Variants in IMMP2L observed in about 807,000 individuals in gnomAD.
IMMP2L encodes the protein inner mitochondrial membrane peptidase subunit 2.
Under a neutral mutation model 19.3 loss-of-function variants are expected in IMMP2L, and 18 were observed. That is an observed-to-expected ratio of 0.93 (90% CI 0.64 to 1.38). The LOEUF is 1.38. Among genes scored for constraint, IMMP2L ranks in the 40% most tolerant of loss-of-function variants. IMMP2L has a pLI of 0.00. For missense variants in IMMP2L, 233 were observed against 218.2 expected (o/e 1.07, Z -0.43); for synonymous variants, 76 against 73.0 (o/e 1.04, Z -0.21).
Position 110,803,982 on chromosome 7 carries a change from T to C in IMMP2L, c.408+82611A>G, listed in dbSNP as rs533064185. ...TGAAGTTTAAGAACAACTGGTAAAA[T>C]GGGTACTTGAAAGATGAGAATGAGT... On this transcript the variant is annotated intron_variant, in intron 5 of 5. Transcript: ENST00000405709. This position sits in a 1 kb window ranked among gnomAD's most constrained non-coding sequence, Gnocchi z 4.2. Among the ~76,000 whole-genome samples the C allele has an allele frequency of 6.6e-6, 1 of 152,126 alleles. No individual in the cohort carries two copies. Among genetic ancestry groups the C allele is most frequent in the South Asian group, 2.1e-4 (1 of 4,828 alleles).
chr7:111,351,088 T>G (rs957756036), intron 3 of IMMP2L, among the ~76,000 whole-genome samples: 10 of 152,188 alleles, frequency 6.6e-5, no homozygotes, highest in Non-Finnish European at 1.5e-4. Context: ...CTTAATACAT[T>G]TTTTGCTCAA....
intron 5 of IMMP2L, among the ~76,000 whole-genome samples, chr7:110,693,718 C>G (rs1409957688): frequency 2.0e-5 from 3 of 152,152 alleles, no homozygotes; most frequent in Non-Finnish European, 4.4e-5. Flanking sequence ...AAGATGTGTT[C>G]TGAGTACAGG....
intron 4 of IMMP2L, among the ~76,000 whole-genome samples, chr7:110,930,145 G>A (rs531468659): frequency 1.3e-5 from 2 of 152,194 alleles, no homozygotes; most frequent in Admixed American, 1.3e-4. Flanking sequence ...GCTTTAACAT[G>A]GCACAACAAT....
intron 4 of IMMP2L, among the ~76,000 whole-genome samples, chr7:110,916,378 G>GA (rs1415250710): frequency 6.6e-6 from 1 of 152,164 alleles, no homozygotes; most frequent in Non-Finnish European, 1.5e-5. Flanking sequence ...AAGATATAGA[G>GA]AAAATGCATC....
chr7:111,087,005 T>G (rs745335004), intron 3 of IMMP2L, among the ~76,000 whole-genome samples: 6 of 152,212 alleles, frequency 3.9e-5, no homozygotes, highest in Non-Finnish European at 8.8e-5. Flanking sequence ...AAGTGAATAT[T>G]GAGTACCTTG....
rs549866387 is a variant in IMMP2L at position 110,726,447 on chromosome 7, G to A, written c.409-62726C>T. On this transcript the variant is annotated intron_variant, in intron 5 of 5. Coordinates refer to ENST00000405709, the MANE Select transcript of IMMP2L (RefSeq NM_032549.4). Reference sequence around the variant, plus strand: ...ATGGAAGTTTTGGCTGTAGCCCCAAGACAATAATTAGCACATTCCCAAAGA... The same window carrying A: ...ATGGAAGTTTTGGCTGTAGCCCCAAAACAATAATTAGCACATTCCCAAAGA... Among the ~76,000 whole-genome samples, 8 of 152,280 alleles carry A rather than the reference G, an allele frequency of 5.3e-5. 2 individuals are homozygous for A. Among genetic ancestry groups the A allele is most frequent in the Admixed American group, 5.2e-4 (8 of 15,294 alleles).
At chr7:111,375,837 T>G (rs1335510827) in intron 3 of IMMP2L, among the ~76,000 whole-genome samples, 2 of 152,144 alleles carry the variant, frequency 1.3e-5, no homozygotes, top group Admixed American at 1.3e-4. Context: ...AGTGACATTT[T>G]TGAACTGAGG....
Position 110,814,115 on chromosome 7 carries a change from T to C in IMMP2L, c.408+72478A>G, listed in dbSNP as rs371492819. Among the ~76,000 whole-genome samples the C allele has an allele frequency of 3.2e-4, 48 of 152,076 alleles. 2 individuals carry two copies. The South Asian group carries it at 9.3e-3, about 30-fold the overall frequency. ...TCTGCTTGTGAACATCAGCTAGAAA[T>C]TGCTACATTACCATTTTACTGTATT... On this transcript the variant is annotated intron_variant, in intron 5 of 5. Transcript: ENST00000405709.
intron 3 of IMMP2L, among the ~76,000 whole-genome samples, chr7:111,284,167 TA>T (rs35248380): frequency 0.2 from 30,844 of 151,678 alleles, 4,268 homozygotes; most frequent in African/African-American, 0.39. Flanking sequence ...TGCAGCCATC[TA>T]AAAAAAACAG....
intron 4 of IMMP2L, among the ~76,000 whole-genome samples, chr7:110,918,734 G>A (rs962626005): frequency 7.9e-5 from 12 of 152,042 alleles, no homozygotes; most frequent in East Asian, 1.9e-4. Flanking sequence ...GATTAAAGGC[G>A]TGAGCCACTG....
chr7:111,283,825 G>T (rs1209242985), intron 3 of IMMP2L, among the ~76,000 whole-genome samples: 2 of 151,186 alleles, frequency 1.3e-5, no homozygotes, highest in Non-Finnish European at 2.9e-5. Flanking sequence ...CAAAAAATTA[G>T]CCGGGCGTAG....
chr7:111,446,742 G>T (rs200446547), intron 3 of IMMP2L, among the ~76,000 whole-genome samples: 23,876 of 138,624 alleles, frequency 0.17, no homozygotes, highest in East Asian at 0.3. Flanking sequence ...GAACGCTTCA[G>T]ACGATCAAAT....
At chr7:111,055,524 C>T (rs989536553) in intron 3 of IMMP2L, among the ~76,000 whole-genome samples, 1 of 152,190 alleles carries the variant, frequency 6.6e-6, no homozygotes, top group Non-Finnish European at 1.5e-5. Context: ...TTTGCTCAGG[C>T]CTCTGTTCTC....
At chr7:111,343,949 G>A (rs1033569555) in intron 3 of IMMP2L, among the ~76,000 whole-genome samples, 2 of 151,974 alleles carry the variant, frequency 1.3e-5, no homozygotes, top group Non-Finnish European at 2.9e-5. Context: ...TCCCTGAAAC[G>A]CTATTTCCCA....
At chr7:111,433,566 G>A (rs1313649179) in intron 3 of IMMP2L, among the ~76,000 whole-genome samples, 3 of 151,754 alleles carry the variant, frequency 2.0e-5, no homozygotes, top group Non-Finnish European at 4.4e-5. Context: ...CTCCCACCAT[G>A]TCCTTCCTAC....
chr7:110,964,741 C>CTCA (rs1819356262), intron 3 of IMMP2L, among the ~76,000 whole-genome samples: 1 of 151,964 alleles, frequency 6.6e-6, no homozygotes, highest in Non-Finnish European at 1.5e-5. Context: ...GACTTACAGG[C>CTCA]TCTCCCTCTT....
At chr7:111,395,994 G>T (rs1832828750) in intron 3 of IMMP2L, among the ~76,000 whole-genome samples, 2 of 152,156 alleles carry the variant, frequency 1.3e-5, no homozygotes, top group African/African-American at 4.8e-5. Flanking sequence ...AGATGCTGGT[G>T]AGGCTGTGGA....
At chr7:110,774,645 ATGCACAGGTACTTACAC>A (rs1562967518) in intron 5 of IMMP2L, among the ~76,000 whole-genome samples, 1 of 152,016 alleles carries the variant, frequency 6.6e-6, no homozygotes, top group Non-Finnish European at 1.5e-5. Context: ...CTATGTTTAG[ATGCACAGGTACTTACAC>A]TTGTGTTACA....
At chr7:111,520,587 TTTTAG>T (rs1846238990) in intron 2 of IMMP2L, among the ~76,000 whole-genome samples, 1 of 152,094 alleles carries the variant, frequency 6.6e-6, no homozygotes, top group Admixed American at 6.6e-5. Context: ...TATATATTCA[TTTTAG>T]TTATTTGTTT....
Sources: gnomAD v4.1 joint callset for allele counts (sites outside exome capture counted in the v4.1 genomes callset) on GRCh38, gnomAD v4.1.1 for gene constraint, Gnocchi (gnomAD v3.1) non-coding constraint, MANE v1.5 for transcripts, NCBI Gene and HGNC (gene_info 2026-07-23, HGNC 2026-07-21) for gene names.